Variants in ZNF487 observed in about 807,000 individuals in gnomAD.
ZNF487 encodes KRAB domain only 1.
A neutral mutation model predicts 3.0 loss-of-function variants in ZNF487; 4 were observed. That is an observed-to-expected ratio of 1.35 (90% CI 0.66 to 3.08). The LOEUF (loss-of-function observed/expected upper bound fraction) is 3.08. Among genes scored for constraint, ZNF487 ranks in the 30% most tolerant of loss-of-function variants. ZNF487 has a pLI of 0.01. For synonymous variants in ZNF487, 55 were observed against 34.6 expected, an observed-to-expected ratio of 1.59 and a Z score of -2.06; for missense variants, 146 against 98.7, an observed-to-expected ratio of 1.48 and a Z score of -2.03.
At chr10:43,496,064 TG>T in the ZNF487 span, 5 of 533,982 alleles carry the variant, frequency 9.4e-6, no homozygotes, top group Non-Finnish European at 1.9e-5. Flanking sequence ...CCAGGAGGAG[TG>T]GTAGCATCTG....
the ZNF487 span, among the ~76,000 whole-genome samples, chr10:43,514,620 G>T: frequency 2.0e-5 from 3 of 152,216 alleles, no homozygotes; most frequent in African/African-American, 7.2e-5. Context: ...CTTTGCCTCT[G>T]CTGTCCATCA....
intron 3 of ZNF487, among the ~76,000 whole-genome samples, chr10:43,478,531 C>G (rs1235759580): frequency 6.6e-6 from 1 of 151,970 alleles, no homozygotes; most frequent in Non-Finnish European, 1.5e-5. Flanking sequence ...CCAGCTTGGG[C>G]AACGAGAGCG....
the ZNF487 span, among the ~76,000 whole-genome samples, chr10:43,519,617 G>A: frequency 1.3e-5 from 2 of 151,934 alleles, no homozygotes; most frequent in African/African-American, 4.8e-5. Context: ...ACAGGTGCCC[G>A]CCACCACACC....
rs1282079254 is a variant in ZNF487 at position 43,460,379 on chromosome 10, TC to T, written c.-93-15341del. Among the ~76,000 whole-genome samples the T allele has an allele frequency of 8.0e-4, 117 of 146,012 alleles. 1 individual carries two copies. Among genetic ancestry groups the T allele is most frequent in the Admixed American group, 9.5e-4 (14 of 14,720 alleles). ...GAAAGAGTCTGTTGTTTTCTTTCTT[TC>T]TTTTTTTTTTTTTTTTTTTTGAGAC... On this transcript the variant is annotated intron_variant, in intron 1 of 3. Coordinates refer to ENST00000437590, the MANE Select transcript of ZNF487 (RefSeq NM_001355444.3).
chr10:43,465,812 G>C (rs1329336982), intron 1 of ZNF487, among the ~76,000 whole-genome samples: 1 of 152,178 alleles, frequency 6.6e-6, no homozygotes, highest in East Asian at 1.9e-4. Context: ...CTGCAATCTC[G>C]GCACTTTGGG....
At chr10:43,495,203 CTT>C in the ZNF487 span, among the ~76,000 whole-genome samples, 4,972 of 121,480 alleles carry the variant, frequency 0.041, 151 homozygotes, top group African/African-American at 0.11. Context: ...TGTCCCCAGG[CTT>C]TTTTTTTTTT....
chr10:43,498,099 ATTTTTTT>A, the ZNF487 span, among the ~76,000 whole-genome samples: 36 of 20,166 alleles, frequency 1.8e-3, no homozygotes, highest in Middle Eastern at 0.05. Context: ...ATATATATAT[ATTTTTTT>A]TTTTTTTCTT....
the ZNF487 span, chr10:43,523,515 T>G: frequency 2.0e-5 from 3 of 152,246 alleles, no homozygotes; most frequent in Non-Finnish European, 2.9e-5. Flanking sequence ...CATGCGAAAT[T>G]GCTCCTTCAT....
At chr10:43,519,356 C>T in the ZNF487 span, among the ~76,000 whole-genome samples, 216 of 152,268 alleles carry the variant, frequency 1.4e-3, no homozygotes, top group Non-Finnish European at 2.7e-3. Flanking sequence ...TAATCTAATT[C>T]ATGATAGAAT....
chr10:43,502,794 G>T, the ZNF487 span, among the ~76,000 whole-genome samples: 2 of 152,158 alleles, frequency 1.3e-5, no homozygotes, highest in African/African-American at 4.8e-5. Context: ...ACTTTGCGGG[G>T]CCAAGCCGGG....
At chr10:43,469,688 A>G (rs1589044254) in intron 1 of ZNF487, among the ~76,000 whole-genome samples, 1 of 151,946 alleles carries the variant, frequency 6.6e-6, no homozygotes, top group African/African-American at 2.4e-5. Flanking sequence ...ATGTCTGTAC[A>G]CGGTGGCTCA....
At chr10:43,476,814 T>C (rs550095679) in intron 3 of ZNF487, among the ~76,000 whole-genome samples, 49 of 152,204 alleles carry the variant, frequency 3.2e-4, no homozygotes, top group African/African-American at 1.1e-3. Context: ...ATGGGGAGCA[T>C]GTGAGAGATG....
chr10:43,451,157 ACT>A (rs1466546864), intron 1 of ZNF487, among the ~76,000 whole-genome samples: 2 of 148,642 alleles, frequency 1.3e-5, no homozygotes, highest in Admixed American at 1.3e-4. Flanking sequence ...TGTTGGTCAG[ACT>A]GCTTGTGAAC....
In ZNF487 at chr10:43,482,363, A is replaced by C. The variant is rs1195210189; in HGVS notation, c.*441A>C. 2.2e-6 allele frequency: 1 copy of C among 454,680 alleles called. No homozygotes were observed. The highest frequency in any genetic ancestry group is 4.5e-6 in the Non-Finnish European group (1 of 223,822). The allele number at this position is 454,680 out of a possible 1,614,324, so 28.2% of individuals were successfully genotyped here. ...TGAATGTGGGAAAACCTTCAGCCAT[A>C]AATCCTCTTTTATCCTACAGCAGAG... On this transcript the variant is annotated 3_prime_UTR_variant, in exon 4 of 4. Transcript: ENST00000437590.
At chr10:43,520,218 C>T in the ZNF487 span, among the ~76,000 whole-genome samples, 2 of 151,932 alleles carry the variant, frequency 1.3e-5, no homozygotes, top group Non-Finnish European at 2.9e-5. Context: ...ATTTTTCTAC[C>T]CCCAGAGAGA....
chr10:43,483,810 G>C (rs1841445146), downstream of ZNF487, among the ~76,000 whole-genome samples: 1 of 152,028 alleles, frequency 6.6e-6, no homozygotes, highest in Admixed American at 6.6e-5. Context: ...TTACAGGTGT[G>C]AACCACCATG....
intron 1 of ZNF487, among the ~76,000 whole-genome samples, chr10:43,465,521 G>A (rs1369201957): frequency 1.3e-5 from 2 of 151,826 alleles, no homozygotes; most frequent in Admixed American, 1.3e-4. Flanking sequence ...GGTCGTGGCC[G>A]GGCAGAGGCG....
chr10:43,478,579 C>T (rs1341896789), intron 3 of ZNF487, among the ~76,000 whole-genome samples: 1 of 151,844 alleles, frequency 6.6e-6, no homozygotes, highest in African/African-American at 2.4e-5. Context: ...AAAAATTAGC[C>T]AGGCATGGTC....
At chr10:43,479,957 TCTTTCTTTCTTTCTTTTCTTTCTTTCC>T (rs1841252003) in intron 3 of ZNF487, among the ~76,000 whole-genome samples, 11 of 34,458 alleles carry the variant, frequency 3.2e-4, no homozygotes, top group South Asian at 1.6e-3. Flanking sequence ...CACCTGACTC[TCTTTCTTTCTTTCTTTTCTTTCTTTCC>T]TTCTTTCTTT....
Sources: gnomAD v4.1 joint callset for allele counts (sites outside exome capture counted in the v4.1 genomes callset) on GRCh38, gnomAD v4.1.1 for gene constraint, MANE v1.5 for transcripts, NCBI Gene and HGNC (gene_info 2026-07-23, HGNC 2026-07-21) for gene names.